Variants in SIPA1L3 observed in about 807,000 individuals in gnomAD.
The protein encoded by SIPA1L3 is signal induced proliferation associated 1 like 3.
SIPA1L3 carries 59 observed loss-of-function variants against 150.1 expected under a neutral mutation model. The observed-to-expected ratio is 0.39, with a 90% CI of 0.32 to 0.49. The LOEUF is 0.49. Ranked by LOEUF, SIPA1L3 falls within the 20% of genes least tolerant of loss-of-function variation. SIPA1L3 has a pLI of 0.86. For missense variants in SIPA1L3, 2,211 were observed against 2,489.5 expected (o/e 0.89, Z 2.38); for synonymous variants, 1,070 against 1,077.6 (o/e 0.99, Z 0.14).
chr19:37,996,877 A>G (rs1003336753), intron 1 of SIPA1L3, among the ~76,000 whole-genome samples: 2 of 151,908 alleles, frequency 1.3e-5, no homozygotes, highest in Non-Finnish European at 2.9e-5. Context: ...TTGTATTTTT[A>G]GTAGAGACGG....
In SIPA1L3 at chr19:38,195,801, C is replaced by CT. The variant is rs1972912732; in HGVS notation, c.4840+2021_4840+2022insT. On this transcript the variant is annotated intron_variant, in intron 18 of 21. Transcript: ENST00000222345. The stretch of plus-strand genomic sequence containing the variant: ...CACCACCACAGGCCCCGTCCCCCCC[C>CT]GCCCCCCCGGGTTTCTCTCACCCCC... Among the ~76,000 whole-genome samples, 2 of 102,600 alleles carry CT rather than the reference C, an allele frequency of 1.9e-5. 1 individual carries two copies. Among genetic ancestry groups the CT allele is most frequent in the Non-Finnish European group, 3.9e-5 (2 of 51,198 alleles). 67.3% of individuals were successfully genotyped at this position (102,600 alleles called of 152,430 possible).
rs1218931636 is a variant in SIPA1L3 at position 38,140,793 on chromosome 19, C to A, written c.3144-391C>A. On this transcript the variant is annotated intron_variant, in intron 10 of 21. Coordinates refer to ENST00000222345, the MANE Select transcript of SIPA1L3 (RefSeq NM_015073.3). Reference sequence around the variant, plus strand: ...CCATCCCCAGCCGGGCGCGGTGGCTCACTCCTATAATCCCAGCATTTTGGG... The same window carrying A: ...CCATCCCCAGCCGGGCGCGGTGGCTAACTCCTATAATCCCAGCATTTTGGG... Among the ~76,000 whole-genome samples, 5 of 152,256 alleles carry A rather than the reference C, an allele frequency of 3.3e-5. No homozygotes were observed. The East Asian group carries it at 9.7e-4, about 29-fold the overall frequency.
intron 12 of SIPA1L3, among the ~76,000 whole-genome samples, chr19:38,147,508 T>C (rs749661364): frequency 3.3e-5 from 5 of 152,228 alleles, no homozygotes; most frequent in South Asian, 4.1e-4. Flanking sequence ...TTTACTCTTT[T>C]ACATTTAAGT....
At chr19:38,071,442 A>G (rs1052184367) in intron 2 of SIPA1L3, among the ~76,000 whole-genome samples, 2 of 151,822 alleles carry the variant, frequency 1.3e-5, no homozygotes, top group Non-Finnish European at 2.9e-5. Context: ...ATGCACCACC[A>G]TGCCTCGCTA....
At chr19:38,151,657 C>T (rs892681499) in intron 12 of SIPA1L3, among the ~76,000 whole-genome samples, 6 of 152,184 alleles carry the variant, frequency 3.9e-5, no homozygotes, top group Non-Finnish European at 7.4e-5. Context: ...AGATTCACCC[C>T]ATGGTTGTAG....
At chr19:37,951,823 G>T (rs2145554618) in intron 1 of SIPA1L3, among the ~76,000 whole-genome samples, 1 of 144,010 alleles carries the variant, frequency 6.9e-6, no homozygotes, top group East Asian at 2.2e-4. Flanking sequence ...CTTGAACCCA[G>T]GAGGCGGAGG....
chr19:37,954,892 G>T (rs1184848237), intron 1 of SIPA1L3, among the ~76,000 whole-genome samples: 1 of 152,052 alleles, frequency 6.6e-6, no homozygotes, highest in Admixed American at 6.5e-5. Context: ...TTCGAGACCA[G>T]CAAGGACAAC....
intron 1 of SIPA1L3, among the ~76,000 whole-genome samples, chr19:37,998,850 G>T (rs1330472396): frequency 6.6e-6 from 1 of 152,096 alleles, no homozygotes; most frequent in African/African-American, 2.4e-5. Flanking sequence ...AAGAAATAAA[G>T]AATAGATGAA....
chr19:38,071,978 G>C (rs913661511), intron 2 of SIPA1L3, among the ~76,000 whole-genome samples: 6 of 152,224 alleles, frequency 3.9e-5, no homozygotes, highest in Admixed American at 1.3e-4. Context: ...AGGTGGGTAG[G>C]GGGGTTTGGA....
intron 1 of SIPA1L3, among the ~76,000 whole-genome samples, chr19:37,910,530 GAAAAA>G (rs571813302): frequency 8.7e-5 from 9 of 104,040 alleles, no homozygotes; most frequent in East Asian, 2.8e-4. Flanking sequence ...CCCTGTCTCA[GAAAAA>G]AAAAAAAAAA....
intron 8 of SIPA1L3, among the ~76,000 whole-genome samples, chr19:38,114,773 G>A (rs1970844352): frequency 6.6e-6 from 1 of 152,236 alleles, no homozygotes; most frequent in African/African-American, 2.4e-5. Context: ...ATCCAGCCAC[G>A]TGGCACTCCT....
chr19:38,143,963 G>A (rs954075439), intron 12 of SIPA1L3, among the ~76,000 whole-genome samples: 11 of 152,138 alleles, frequency 7.2e-5, no homozygotes, highest in Admixed American at 5.2e-4. Context: ...CTCGTGCAGT[G>A]CCACACTTTA....
rs1165347320 is a variant in SIPA1L3 at position 38,082,168 on chromosome 19, G to A, written c.603G>A (p.Glu201=). ...RHTGALPLFR[E]YGSTSSIDVQ... ...CGGGGGCGCTGCCCCTCTTCCGCGAGTACGGGAGCACCTCGTCCATCGACG... is the reference window on the plus strand; with the variant it reads ...CGGGGGCGCTGCCCCTCTTCCGCGAATACGGGAGCACCTCGTCCATCGACG... Residue 201 remains glutamate, a synonymous_variant, in exon 3 of 22, where the codon GAG becomes GAA. Transcript: ENST00000222345. 3 of 1,605,236 alleles carry A rather than the reference G, an allele frequency of 1.9e-6. No homozygotes were observed. The Admixed American group carries it at 5.0e-5, about 27-fold the overall frequency.
In SIPA1L3 at chr19:38,142,725, A is replaced by G. The variant is rs1971620770; in HGVS notation, c.3533+15A>G. The stretch of plus-strand genomic sequence containing the variant: ...TCCCCAGAAAGGTCAGCCTCCCTCA[A>G]TTCTTTTCATGTTAAGGGATCTGAT... On this transcript the variant is annotated intron_variant, in intron 12 of 21. Coordinates refer to ENST00000222345, the MANE Select transcript of SIPA1L3 (RefSeq NM_015073.3). The G allele has an allele frequency of 9.3e-6, 15 of 1,607,520 alleles. No individual in the cohort carries two copies. The highest frequency in any genetic ancestry group is 2.7e-5 in the African/African-American group (2 of 74,796).
At chr19:38,035,458 G>A (rs1215944121) in intron 2 of SIPA1L3, among the ~76,000 whole-genome samples, 1 of 152,184 alleles carries the variant, frequency 6.6e-6, no homozygotes, top group East Asian at 1.9e-4. Context: ...GGCACCTAAC[G>A]GTGACTTGGA....
At chr19:38,021,359 T>G (rs1968369338) in intron 1 of SIPA1L3, among the ~76,000 whole-genome samples, 1 of 152,180 alleles carries the variant, frequency 6.6e-6, no homozygotes, top group East Asian at 1.9e-4. Flanking sequence ...GCTCTGACCC[T>G]CTTGCCGCCA....
At chr19:38,083,622 G>A (rs1242152068) in intron 3 of SIPA1L3, among the ~76,000 whole-genome samples, 1 of 152,172 alleles carries the variant, frequency 6.6e-6, no homozygotes, top group Non-Finnish European at 1.5e-5. Context: ...CGAGGCAGGT[G>A]CAGTTTGAGT....
intron 12 of SIPA1L3, among the ~76,000 whole-genome samples, chr19:38,152,585 C>T (rs1190054780): frequency 6.6e-6 from 1 of 152,176 alleles, no homozygotes; most frequent in Non-Finnish European, 1.5e-5. Flanking sequence ...CCCCTCCTTC[C>T]CTTAGGAACC....
intron 1 of SIPA1L3, among the ~76,000 whole-genome samples, chr19:37,933,826 G>C (rs1340292107): frequency 2.6e-5 from 4 of 152,216 alleles, no homozygotes; most frequent in African/African-American, 9.6e-5. Context: ...CCTGTGGCAT[G>C]GAACAGGAAA....
Sources: gnomAD v4.1 joint callset for allele counts (sites outside exome capture counted in the v4.1 genomes callset) on GRCh38, gnomAD v4.1.1 for gene constraint, MANE v1.5 for transcripts, NCBI Gene and HGNC (gene_info 2026-07-23, HGNC 2026-07-21) for gene names.